The following HDAC11 variants were observed in gnomAD, a reference collection of about 807,000 sequenced individuals.
HDAC11 encodes histone deacetylase 11.
In HDAC11, 23 loss-of-function variants were observed where a neutral mutation model predicts 41.1. That is an observed-to-expected ratio of 0.56 (90% CI 0.40 to 0.79). The LOEUF is 0.79. HDAC11 is among the 30% of genes least tolerant of loss of function. The pLI is 0.00. For missense variants in HDAC11, 402 were observed against 477.3 expected (o/e 0.84, Z 1.47); for synonymous variants, 187 against 186.6 (o/e 1.00, Z -0.02).
At chr3:13,489,324 G>C (rs924105371) in intron 3 of HDAC11, among the ~76,000 whole-genome samples, 9 of 152,126 alleles carry the variant, frequency 5.9e-5, no homozygotes, top group African/African-American at 2.2e-4. Context: ...TTTACCGCAT[G>C]TGTTTTCTTC....
intron 3 of HDAC11, among the ~76,000 whole-genome samples, chr3:13,488,513 A>G (rs560089673): frequency 1.3e-5 from 2 of 152,326 alleles, no homozygotes; most frequent in South Asian, 4.1e-4. Flanking sequence ...AAATGGAATC[A>G]TACAATATGT....
chr3:13,481,665 C>T (rs564045552), intron 2 of HDAC11, among the ~76,000 whole-genome samples: 1 of 152,188 alleles, frequency 6.6e-6, no homozygotes, highest in Non-Finnish European at 1.5e-5. Flanking sequence ...TAGCTGATTA[C>T]TGATGGGCAC....
intron 4 of HDAC11, among the ~76,000 whole-genome samples, chr3:13,497,854 C>CTTT (rs10667297): frequency 0.025 from 2,614 of 106,070 alleles, 276 homozygotes; most frequent in African/African-American, 0.057. Context: ...TCTTTTTTTG[C>CTTT]TTTTTTTTTT....
chr3:13,487,913 G>C (rs958480629), intron 3 of HDAC11, among the ~76,000 whole-genome samples: 1 of 152,016 alleles, frequency 6.6e-6, no homozygotes, highest in African/African-American at 2.4e-5. Context: ...CAGAAAAGGG[G>C]TGGGGAGAGC....
chr3:13,500,647 G>T, intron 5 of HDAC11, 66 bp from the exon 6 acceptor site: 1 of 1,298,534 alleles, frequency 7.7e-7, no homozygotes, highest in Non-Finnish European at 1.1e-6. Context: ...GTGAAGGGAT[G>T]GAGGAGCTCC....
chr3:13,492,480 G>A (rs1701911158), intron 3 of HDAC11, among the ~76,000 whole-genome samples: 2 of 152,226 alleles, frequency 1.3e-5, no homozygotes. Flanking sequence ...GTAGCCTCAG[G>A]GAGAGAAGTG....
chr3:13,497,272 A>G (rs1428856299), intron 4 of HDAC11, among the ~76,000 whole-genome samples: 2 of 151,010 alleles, frequency 1.3e-5, no homozygotes, highest in Non-Finnish European at 3.0e-5. Context: ...TCTGCCTCCT[A>G]GGTTCAAGCG....
At chr3:13,489,975 A>G (rs947882510) in intron 3 of HDAC11, among the ~76,000 whole-genome samples, 7 of 149,458 alleles carry the variant, frequency 4.7e-5, no homozygotes, top group Admixed American at 2.0e-4. Context: ...GAAATTCCAG[A>G]TTGTGAGGCC....
intron 2 of HDAC11, 104 bp from the exon 3 acceptor site, chr3:13,483,360 G>A: frequency 1.1e-6 from 1 of 921,724 alleles, no homozygotes; most frequent in Non-Finnish European, 1.7e-6. Context: ...CTACCCCTGG[G>A]GCAGGGGCTG....
chr3:13,504,819 C>T lies in HDAC11; in HGVS notation c.*136C>T. The T allele has an allele frequency of 1.3e-6, 1 of 768,790 alleles. No homozygotes were observed. The highest frequency in any genetic ancestry group is 1.7e-5 in the South Asian group (1 of 59,240). The allele number at this position is 768,790 out of a possible 1,614,324, so 47.6% of individuals were successfully genotyped here. ...GGCCATCCCTGGCTGGGGCCTGGAG[C>T]TGGCCCTTCCTCTACTTTTCCCTGC... On this transcript the variant is annotated 3_prime_UTR_variant, in exon 10 of 10. Coordinates refer to ENST00000295757, the MANE Select transcript of HDAC11 (RefSeq NM_024827.4).
chr3:13,487,848 G>A (rs1298254267), intron 3 of HDAC11, among the ~76,000 whole-genome samples: 1 of 152,126 alleles, frequency 6.6e-6, no homozygotes, highest in Non-Finnish European at 1.5e-5. Flanking sequence ...TAATAATTAA[G>A]TAATGAGATA....
At chr3:13,493,342 G>T (rs1029600908) in intron 3 of HDAC11, among the ~76,000 whole-genome samples, 2 of 151,918 alleles carry the variant, frequency 1.3e-5, no homozygotes, top group Admixed American at 1.3e-4. Flanking sequence ...CCAGGGACCC[G>T]CCACTAGTCC....
chr3:13,501,398 C>T lies in HDAC11; in HGVS notation c.490-473C>T, dbSNP rs978809310. Among the ~76,000 whole-genome samples, 6 of 152,152 alleles carry T rather than the reference C, an allele frequency of 3.9e-5. 1 individual carries two copies. In the East Asian group the frequency reaches 9.6e-4, roughly 24 times the overall value. The stretch of plus-strand genomic sequence containing the variant: ...GGGCACATAGACTGATGGGGGGAAG[C>T]AGGCCATTAGGAGAAGGGGGAAGCA... On this transcript the variant is annotated intron_variant, in intron 6 of 9. Transcript: ENST00000295757.
chr3:13,480,827 C>A lies in HDAC11; in HGVS notation c.3-419C>A. 2.5e-6 allele frequency: 1 copy of A among 405,078 alleles called. No homozygotes were observed. Among genetic ancestry groups the A allele is most frequent in the Admixed American group, 3.2e-5 (1 of 30,890 alleles). The allele number at this position is 405,078 out of a possible 1,614,324, so 25.1% of individuals were successfully genotyped here. On this transcript the variant is annotated intron_variant, in intron 1 of 9. Coordinates refer to ENST00000295757, the MANE Select transcript of HDAC11 (RefSeq NM_024827.4). This position sits in a 1 kb window ranked among gnomAD's most constrained non-coding sequence, Gnocchi z 4.6. Reference sequence around the variant, plus strand: ...CTTACTGTGCTCAGCTCCTCAGTTGCATTCTCTGAGTCCTCACAACAGCCA... The same window carrying A: ...CTTACTGTGCTCAGCTCCTCAGTTGAATTCTCTGAGTCCTCACAACAGCCA...
At chr3:13,484,462 G>A (rs1701469665) in intron 3 of HDAC11, among the ~76,000 whole-genome samples, 1 of 152,326 alleles carries the variant, frequency 6.6e-6, no homozygotes, top group South Asian at 2.1e-4. Flanking sequence ...TCCACTGTGG[G>A]CCCGGCATGG....
At chr3:13,490,736 ATTTTTTTCTTTTTTTTTTTT>A (rs925169848) in intron 3 of HDAC11, among the ~76,000 whole-genome samples, 14 of 75,606 alleles carry the variant, frequency 1.9e-4, no homozygotes, top group Admixed American at 4.4e-4. Flanking sequence ...GTTTCTTAGC[ATTTTTTTCTTTTTTTTTTTT>A]TTTTTTTTTT....
At chr3:13,489,667 AG>A (rs1272530995) in intron 3 of HDAC11, among the ~76,000 whole-genome samples, 1 of 150,970 alleles carries the variant, frequency 6.6e-6, no homozygotes, top group Non-Finnish European at 1.5e-5. Context: ...CCTGGGTTCA[AG>A]CAATTCTCCC....
intron 8 of HDAC11, 91 bp from the exon 9 acceptor site, chr3:13,504,003 C>G: frequency 8.2e-7 from 1 of 1,213,664 alleles, no homozygotes; most frequent in South Asian, 1.4e-5. Context: ...TCTGACAGAC[C>G]AGTTTCCAGT....
intron 5 of HDAC11, among the ~76,000 whole-genome samples, chr3:13,499,287 A>G (rs79835797): frequency 0.064 from 9,707 of 152,236 alleles, 846 homozygotes; most frequent in East Asian, 0.27. Context: ...CTCCTGCCTC[A>G]GCCTCCTGAG....
Sources: gnomAD v4.1 joint callset for allele counts (sites outside exome capture counted in the v4.1 genomes callset) on GRCh38, gnomAD v4.1.1 for gene constraint, Gnocchi (gnomAD v3.1) non-coding constraint, MANE v1.5 for transcripts, NCBI Gene and HGNC (gene_info 2026-07-23, HGNC 2026-07-21) for gene names.